SORCS1: variants seen among roughly 807,000 people sequenced by gnomAD.
SORCS1 encodes the protein VPS10 domain-containing receptor SorCS1.
SORCS1 carries 60 observed loss-of-function variants against 146.1 expected under a neutral mutation model. That is an observed-to-expected ratio of 0.41 (90% confidence interval 0.33 to 0.51). The LOEUF (loss-of-function observed/expected upper bound fraction) is 0.51, where lower values mean the gene tolerates loss of function less well. SORCS1 is among the 20% of genes least tolerant of loss of function. The pLI is 0.21. For synonymous variants in SORCS1, 637 were observed against 584.0 expected, an observed-to-expected ratio of 1.09 and a Z score of -1.31; for missense variants, 1,352 against 1,487.6, an observed-to-expected ratio of 0.91 and a Z score of 1.50.
chr10:106,625,549 G>A (rs1018568280), intron 19 of SORCS1, among the ~76,000 whole-genome samples: 3 of 152,134 alleles, frequency 2.0e-5, no homozygotes, highest in Non-Finnish European at 4.4e-5. Context: ...TTTGGGGGCA[G>A]GTGGCTCATT....
At chr10:106,882,870 T>C (rs1414376546) in intron 2 of SORCS1, among the ~76,000 whole-genome samples, 1 of 152,186 alleles carries the variant, frequency 6.6e-6, no homozygotes, top group Non-Finnish European at 1.5e-5. Context: ...CTGATGATTG[T>C]TGAGGTGGAA....
rs1949221709 is a variant in SORCS1, at chr10:106,844,534, C to T, written c.627-14861G>A. On this transcript the variant is annotated intron_variant, in intron 2 of 25. Coordinates refer to ENST00000263054, the MANE Select transcript of SORCS1 (RefSeq NM_052918.5). ...ATTTCATTCTTTTGCAGGTGAATGTCCAGTTTCTCCAACACCATTTACTGA... is the reference window on the plus strand; with the variant it reads ...ATTTCATTCTTTTGCAGGTGAATGTTCAGTTTCTCCAACACCATTTACTGA... Among the ~76,000 whole-genome samples, 3 of 150,858 alleles carry T rather than the reference C, an allele frequency of 2.0e-5. No homozygotes were observed. In the South Asian group the frequency reaches 6.3e-4, roughly 32 times the overall value.
intron 1 of SORCS1, among the ~76,000 whole-genome samples, chr10:106,974,459 G>C (rs1955912617): frequency 6.6e-6 from 1 of 152,196 alleles, no homozygotes; most frequent in Non-Finnish European, 1.5e-5. Context: ...TTTGGGTGGA[G>C]AGTGAATATG....
intron 1 of SORCS1, among the ~76,000 whole-genome samples, chr10:107,016,171 C>T (rs1030236933): frequency 5.9e-5 from 9 of 152,100 alleles, no homozygotes; most frequent in African/African-American, 1.9e-4. Context: ...CATGGAAGAA[C>T]ATAGAACTCA....
intron 2 of SORCS1, among the ~76,000 whole-genome samples, chr10:106,934,507 C>T (rs561599948): frequency 7.9e-5 from 12 of 152,262 alleles, no homozygotes; most frequent in African/African-American, 2.6e-4. Context: ...GATCCACCCG[C>T]CTTGGCCTCC....
chr10:106,854,750 C>T (rs1193834491), intron 2 of SORCS1, among the ~76,000 whole-genome samples: 2 of 152,070 alleles, frequency 1.3e-5, no homozygotes, highest in African/African-American at 4.8e-5. Flanking sequence ...CAACTTATTC[C>T]TAATTCTCCT....
At position 106,575,271 on chromosome 10, in the gene SORCS1, T is replaced by C. The variant is rs532122562; in HGVS notation, c.*2149A>G. 6.6e-6 allele frequency: 1 copy of C among 152,552 alleles called. No homozygotes were observed. Among genetic ancestry groups the C allele is most frequent in the South Asian group, 2.1e-4 (1 of 4,824 alleles). The allele number at this position is 152,552 out of a possible 1,614,324, so 9.4% of individuals were successfully genotyped here. On this transcript the variant is annotated 3_prime_UTR_variant, in exon 26 of 26. Transcript: ENST00000263054. ...AGGCCTAGCCCATTTCCCAGATTCA[T>C]ATGGGGTATCCTCAACCATAAACAT... is the stretch of plus-strand genomic sequence containing the variant.
At chr10:106,749,679 T>C (rs745566987) in intron 5 of SORCS1, among the ~76,000 whole-genome samples, 1 of 152,208 alleles carries the variant, frequency 6.6e-6, no homozygotes, top group Non-Finnish European at 1.5e-5. Flanking sequence ...ATTGAAAATA[T>C]AAATTATTCA....
At chr10:107,032,429 T>C (rs1233895642) in intron 1 of SORCS1, among the ~76,000 whole-genome samples, 1 of 152,188 alleles carries the variant, frequency 6.6e-6, no homozygotes, top group Admixed American at 6.5e-5. Context: ...TTCCTTTCTT[T>C]CGCTCTTCAG....
chr10:106,764,604 C>A (rs954319369), intron 4 of SORCS1, among the ~76,000 whole-genome samples: 1 of 152,140 alleles, frequency 6.6e-6, no homozygotes, highest in African/African-American at 2.4e-5. Context: ...GAGAAAGCAG[C>A]AGCAGCTTTC....
intron 6 of SORCS1, among the ~76,000 whole-genome samples, chr10:106,720,637 C>T (rs371238566): frequency 6.6e-6 from 1 of 151,286 alleles, no homozygotes; most frequent in Admixed American, 6.6e-5. Flanking sequence ...TGGGGATTAC[C>T]ACACCTGCAT....
intron 1 of SORCS1, among the ~76,000 whole-genome samples, chr10:106,996,564 C>T (rs1207877020): frequency 6.6e-6 from 1 of 152,176 alleles, no homozygotes; most frequent in African/African-American, 2.4e-5. Flanking sequence ...ACATGAAAGT[C>T]AAATGCACAA....
Position 106,850,129 on chromosome 10 carries a change from C to T in SORCS1, c.627-20456G>A, listed in dbSNP as rs566249879. 2.9e-3 allele frequency among the ~76,000 whole-genome samples: 437 copies of T among 151,552 alleles called. 3 individuals are homozygous for T. Among genetic ancestry groups the T allele is most frequent in the African/African-American group, 9.2e-3 (381 of 41,424 alleles). Reference sequence around the variant, plus strand: ...TGGGCTCCACCCAGTTCGAGCTTCCCGGCTGCTTTGTTTACCTAAGCAAGC... The same window carrying T: ...TGGGCTCCACCCAGTTCGAGCTTCCTGGCTGCTTTGTTTACCTAAGCAAGC... On this transcript the variant is annotated intron_variant, in intron 2 of 25. Coordinates refer to ENST00000263054, the MANE Select transcript of SORCS1 (RefSeq NM_052918.5).
intron 1 of SORCS1, among the ~76,000 whole-genome samples, chr10:107,102,501 T>C (rs367663612): frequency 2.0e-5 from 3 of 152,348 alleles, no homozygotes; most frequent in Admixed American, 2.0e-4. Context: ...GCATTTTTAA[T>C]GGTATCAATT....
chr10:106,830,698 C>A (rs950290466), intron 2 of SORCS1, among the ~76,000 whole-genome samples: 2 of 151,068 alleles, frequency 1.3e-5, no homozygotes, highest in African/African-American at 4.9e-5. Flanking sequence ...GAATTCGAGA[C>A]AAGCCTGGCC....
At chr10:106,673,159 G>A (rs1851738062) in intron 14 of SORCS1, among the ~76,000 whole-genome samples, 174 bp from the exon 15 acceptor site, 1 of 144,644 alleles carries the variant, frequency 6.9e-6, no homozygotes, top group African/African-American at 2.6e-5. Flanking sequence ...TTGAGACAGA[G>A]TCTCGCTCTG....
At chr10:107,014,815 T>A (rs1957829973) in intron 1 of SORCS1, among the ~76,000 whole-genome samples, 1 of 152,222 alleles carries the variant, frequency 6.6e-6, no homozygotes, top group Non-Finnish European at 1.5e-5. Context: ...CACATAAACT[T>A]ATTGCATACA....
At chr10:107,154,280 G>T (rs1009767172) in intron 1 of SORCS1, among the ~76,000 whole-genome samples, 12 of 152,012 alleles carry the variant, frequency 7.9e-5, no homozygotes, top group African/African-American at 2.7e-4. Flanking sequence ...TGGGATTACA[G>T]GCGTGAGCCA....
chr10:107,082,821 A>G lies in SORCS1; in HGVS notation c.558+81148T>C, dbSNP rs1472853860. 1.3e-5 allele frequency among the ~76,000 whole-genome samples: 2 copies of G among 152,134 alleles called. 1 individual carries two copies. The highest frequency in any genetic ancestry group is 3.9e-4 in the East Asian group (2 of 5,186). Reference sequence around the variant, plus strand: ...GTTTTTACAAATGTCCTTTAAGTCCAAAGTCCAAGAGCTGGATTTCTTGAT... The same window carrying G: ...GTTTTTACAAATGTCCTTTAAGTCCGAAGTCCAAGAGCTGGATTTCTTGAT... On this transcript the variant is annotated intron_variant, in intron 1 of 25. Transcript: ENST00000263054.
Sources: gnomAD v4.1 joint callset for allele counts (sites outside exome capture counted in the v4.1 genomes callset) on GRCh38, gnomAD v4.1.1 for gene constraint, MANE v1.5 for transcripts, NCBI Gene and HGNC (gene_info 2026-07-23, HGNC 2026-07-21) for gene names.